Variants in ZNF236 observed in about 807,000 individuals in gnomAD.
ZNF236 encodes the protein regulated by glucose.
ZNF236 carries 50 observed loss-of-function variants against 191.2 expected under a neutral mutation model. That is an observed-to-expected ratio of 0.26 (90% CI 0.21 to 0.33). The LOEUF (loss-of-function observed/expected upper bound fraction) is 0.33. Ranked by LOEUF, ZNF236 falls within the 10% of genes least tolerant of loss-of-function variation. The probability of loss-of-function intolerance (pLI) is 1.00; values close to 1 mark genes in which losing one functional copy is unlikely to be tolerated. For synonymous variants in ZNF236, 907 were observed against 928.8 expected, an observed-to-expected ratio of 0.98 and a Z score of 0.43; for missense variants, 1,754 against 2,374.5, an observed-to-expected ratio of 0.74 and a Z score of 5.43.
At chr18:76,954,523 A>G (rs957580978) in intron 27 of ZNF236, among the ~76,000 whole-genome samples, 2 of 152,234 alleles carry the variant, frequency 1.3e-5, no homozygotes, top group South Asian at 4.1e-4. Context: ...CACATGGAAT[A>G]TATTTTATGC....
intron 9 of ZNF236, among the ~76,000 whole-genome samples, chr18:76,890,073 A>G (rs1004260798): frequency 2.6e-5 from 4 of 152,230 alleles, no homozygotes; most frequent in Non-Finnish European, 5.9e-5. Flanking sequence ...GCATCATTTC[A>G]CACATGTACG....
chr18:76,824,299 G>C (rs1022944496), intron 1 of ZNF236: 11 of 780,842 alleles, frequency 1.4e-5, no homozygotes, highest in Admixed American at 3.4e-5. Context: ...GTTAACACAC[G>C]TGCACATTAC....
intron 10 of ZNF236, chr18:76,898,002 T>C (rs1977485302): frequency 1.3e-5 from 2 of 152,232 alleles, no homozygotes; most frequent in Admixed American, 1.3e-4. Flanking sequence ...GTAACACTTA[T>C]AAATGAACGT....
chr18:76,914,686 G>A (rs1967308900), intron 18 of ZNF236, among the ~76,000 whole-genome samples: 1 of 152,172 alleles, frequency 6.6e-6, no homozygotes, highest in Admixed American at 6.5e-5. Context: ...GCTGAGAAAT[G>A]TCTGTTCTAA....
At position 76,875,522 on chromosome 18, in the gene ZNF236, G is replaced by T; in HGVS notation, c.698G>T (p.Gly233Val). The T allele has an allele frequency of 1.3e-6, 2 of 1,558,206 alleles. No individual in the cohort carries two copies. The highest frequency in any genetic ancestry group is 1.7e-6 in the Non-Finnish European group (2 of 1,148,312). The change falls in exon 6 of 31, where the codon GGA (glycine) becomes GTA (valine). Residue 233 changes from glycine (G) to valine (V), a missense_variant. Coordinates refer to ENST00000320610, the MANE Select transcript of ZNF236 (RefSeq NM_001306089.2). The surrounding 1 kb of genome is among the most constrained non-coding windows in gnomAD (Gnocchi z 4.3). ...AGGCCGTTCAAATGTAGTGAATGTG[G>T]AAAGGCTTTTAACCAGAAGGGGGCA... ...GERPFKCSEC[G>V]KAFNQKGALQ... is the part of the protein sequence containing the mutation.
chr18:76,938,535 T>C (rs1180759645), intron 26 of ZNF236, among the ~76,000 whole-genome samples: 3 of 152,318 alleles, frequency 2.0e-5, no homozygotes, highest in East Asian at 3.9e-4. Context: ...GCTGAAGAAA[T>C]GGCCTCTTCT....
chr18:76,950,305 T>C (rs1272699732), intron 27 of ZNF236, among the ~76,000 whole-genome samples: 1 of 152,228 alleles, frequency 6.6e-6, no homozygotes, highest in African/African-American at 2.4e-5. Context: ...TTACTAAGTT[T>C]CTGTAATCTT....
chr18:76,826,977 A>G (rs928959268), intron 1 of ZNF236, among the ~76,000 whole-genome samples: 1 of 151,500 alleles, frequency 6.6e-6, no homozygotes, highest in Non-Finnish European at 1.5e-5. Context: ...GCTCACCACA[A>G]CCTCCATCTC....
intron 5 of ZNF236, among the ~76,000 whole-genome samples, chr18:76,874,745 C>G (rs1056721307): frequency 1.3e-5 from 2 of 149,036 alleles, no homozygotes; most frequent in Admixed American, 1.4e-4. Context: ...GGGGCAAGAA[C>G]CGCCCAGGCG....
chr18:76,955,298 C>T (rs942745965), intron 27 of ZNF236, among the ~76,000 whole-genome samples: 13 of 151,912 alleles, frequency 8.6e-5, no homozygotes, highest in Admixed American at 2.6e-4. Flanking sequence ...TACCTGTGGA[C>T]GCAGGCGTGC....
Position 76,904,411 on chromosome 18 carries a change from T to G in ZNF236, c.1926T>G (p.Phe642Leu), listed in dbSNP as rs758574692. The G allele has an allele frequency of 2.2e-5, 36 of 1,608,772 alleles. No individual in the cohort carries two copies. Among genetic ancestry groups the G allele is most frequent in the Non-Finnish European group, 3.4e-6 (4 of 1,177,902 alleles). Residue 642 changes from phenylalanine (F) to leucine (L), a missense_variant, in exon 12 of 31, where the codon TTT becomes TTG. By Grantham distance (22) the Phe-to-Leu change is conservative (BLOSUM62 0). Coordinates refer to ENST00000320610, the MANE Select transcript of ZNF236 (RefSeq NM_001306089.2). ...TCCAGCCCATTCCAAAAAACCAGTT[T>G]TTCCAAAGCTATTTCAATAATAATT... ...GLIQPIPKNQFFQSYFNNNFV... is the reference protein window; with the variant it reads ...GLIQPIPKNQLFQSYFNNNFV...
At chr18:76,964,558 G>A (rs542755479) in intron 30 of ZNF236, among the ~76,000 whole-genome samples, 1 of 152,098 alleles carries the variant, frequency 6.6e-6, no homozygotes, top group Non-Finnish European at 1.5e-5. Flanking sequence ...GGAATGTTAG[G>A]TATATATCTA....
At chr18:76,834,145 A>T (rs1975249861) in intron 1 of ZNF236, among the ~76,000 whole-genome samples, 1 of 152,142 alleles carries the variant, frequency 6.6e-6, no homozygotes, top group Non-Finnish European at 1.5e-5. Flanking sequence ...ATTCATAAGT[A>T]TCTCATTATC....
In ZNF236 at chr18:76,919,799, G is replaced by A. The variant is rs1967482182; in HGVS notation, c.3298G>A (p.Glu1100Lys). 1 of 1,614,008 alleles carries A rather than the reference G, an allele frequency of 6.2e-7. No homozygotes were observed. The highest frequency in any genetic ancestry group is 1.7e-5 in the Admixed American group (1 of 60,010). ...AGACATTTGTATGGAGGAAGAGGAA[G>A]AACATTCTGACAGAAATGCATCACG... ...GGDICMEEEE[E>K]HSDRNASRKS... Residue 1100 changes from glutamate to lysine, a missense_variant, in exon 20 of 31, where the codon GAA becomes AAA. Physicochemically the swap from Glu to Lys is moderately conservative, Grantham distance 56. Coordinates refer to ENST00000320610, the MANE Select transcript of ZNF236 (RefSeq NM_001306089.2). The surrounding 1 kb of genome is among the most constrained non-coding windows in gnomAD (Gnocchi z 5.3).
intron 1 of ZNF236, among the ~76,000 whole-genome samples, chr18:76,844,679 G>A (rs1010991913): frequency 6.6e-6 from 1 of 152,136 alleles, no homozygotes; most frequent in Non-Finnish European, 1.5e-5. Flanking sequence ...GTCATAAGAG[G>A]CCAATTTGAG....
intron 27 of ZNF236, among the ~76,000 whole-genome samples, chr18:76,953,309 T>G (rs1968451678): frequency 6.6e-6 from 1 of 152,218 alleles, no homozygotes; most frequent in African/African-American, 2.4e-5. Context: ...CACTCACTGC[T>G]TAAGGGGCCA....
intron 26 of ZNF236, among the ~76,000 whole-genome samples, chr18:76,938,593 C>T (rs887953476): frequency 3.3e-5 from 5 of 152,246 alleles, no homozygotes; most frequent in African/African-American, 7.2e-5. Flanking sequence ...TCCTCTGCAT[C>T]GCTTCAAGGC....
chr18:76,840,462 C>G (rs1975447971), intron 1 of ZNF236, among the ~76,000 whole-genome samples: 1 of 151,394 alleles, frequency 6.6e-6, no homozygotes, highest in Admixed American at 6.6e-5. Flanking sequence ...CCATTGCACT[C>G]CAGCCTGGGC....
At chr18:76,861,852 C>T (rs1976240054) in intron 3 of ZNF236, among the ~76,000 whole-genome samples, 2 of 152,064 alleles carry the variant, frequency 1.3e-5, no homozygotes, top group Admixed American at 6.5e-5. Context: ...TGGCCGTCAG[C>T]TCCCATTATT....
Sources: allele counts gnomAD v4.1 joint callset (sites outside exome capture counted in the v4.1 genomes callset), GRCh38; gene constraint gnomAD v4.1.1; non-coding constraint Gnocchi (gnomAD v3.1); transcripts MANE v1.5; gene names NCBI Gene and HGNC (gene_info 2026-07-23, HGNC 2026-07-21).